The following ADAMTSL3 variants were observed in gnomAD, a reference collection of about 807,000 sequenced individuals.
ADAMTSL3 encodes ADAMTS-like protein 3.
ADAMTSL3 carries 128 observed loss-of-function variants against 201.7 expected under a neutral mutation model. That is an observed-to-expected ratio of 0.63 (90% confidence interval 0.55 to 0.73). ADAMTSL3 has a LOEUF of 0.73. Ranked by LOEUF, ADAMTSL3 falls within the 30% of genes least tolerant of loss-of-function variation. The pLI, the probability that ADAMTSL3 is intolerant of heterozygous loss-of-function variation, is 0.00. For missense variants in ADAMTSL3, 1,990 were observed against 2,119.6 expected (o/e 0.94, Z 1.20); for synonymous variants, 738 against 748.4 (o/e 0.99, Z 0.23).
At chr15:84,023,798 A>G (rs1436577338) in intron 26 of ADAMTSL3, among the ~76,000 whole-genome samples, 1 of 152,220 alleles carries the variant, frequency 6.6e-6, no homozygotes, top group East Asian at 1.9e-4. Flanking sequence ...AGATCCCTCT[A>G]CATCAAGGCT....
At chr15:83,862,492 A>T (rs1002748781) in intron 8 of ADAMTSL3, 6 of 152,208 alleles carry the variant, frequency 3.9e-5, no homozygotes, top group African/African-American at 1.4e-4. Flanking sequence ...AGAATTTTCA[A>T]CCTAGAATTT....
chr15:83,827,434 G>C (rs1482756552), intron 6 of ADAMTSL3, among the ~76,000 whole-genome samples: 3 of 152,034 alleles, frequency 2.0e-5, no homozygotes, highest in African/African-American at 7.3e-5. Flanking sequence ...CGAGTAGATT[G>C]CGAAAATTTT....
At chr15:83,962,405 A>G (rs556819274) in intron 19 of ADAMTSL3, 38 of 152,344 alleles carry the variant, frequency 2.5e-4, no homozygotes, top group African/African-American at 8.2e-4. Flanking sequence ...GTCATTAAAA[A>G]TAACTATCCA....
intron 5 of ADAMTSL3, among the ~76,000 whole-genome samples, chr15:83,815,718 C>T (rs2063761652): frequency 6.6e-6 from 1 of 152,196 alleles, no homozygotes; most frequent in South Asian, 2.1e-4. Context: ...CCCACATTTA[C>T]TAGAAAGCAG....
intron 7 of ADAMTSL3, among the ~76,000 whole-genome samples, chr15:83,851,844 C>T (rs761253054): frequency 3.3e-5 from 5 of 152,094 alleles, no homozygotes; most frequent in Admixed American, 6.5e-5. Context: ...CTTACAAAAA[C>T]TTCAAATGGC....
At chr15:83,867,126 A>G (rs1488126387) in intron 8 of ADAMTSL3, among the ~76,000 whole-genome samples, 1 of 152,248 alleles carries the variant, frequency 6.6e-6, no homozygotes, top group Non-Finnish European at 1.5e-5. Flanking sequence ...TATTTCTGAA[A>G]TGAAGCTTAT....
rs543554082 is a variant in ADAMTSL3, at chr15:84,023,777, C to T, written c.4458-1461C>T. On this transcript the variant is annotated intron_variant, in intron 26 of 29. Coordinates refer to ENST00000286744, the MANE Select transcript of ADAMTSL3 (RefSeq NM_207517.3). ...CATACCTAGAAGAGACCATAGAGAT[C>T]ATCTAATCCCAGATCCCTCTACATC... is the stretch of plus-strand genomic sequence containing the variant. Among the ~76,000 whole-genome samples, 19 of 152,332 alleles carry T rather than the reference C, an allele frequency of 1.2e-4. No individual in the cohort carries two copies. The South Asian group carries it at 3.9e-3, about 32-fold the overall frequency.
At chr15:83,929,118 T>G (rs1359544211) in intron 17 of ADAMTSL3, among the ~76,000 whole-genome samples, 1 of 152,234 alleles carries the variant, frequency 6.6e-6, no homozygotes, top group Non-Finnish European at 1.5e-5. Flanking sequence ...GCAAAATGAC[T>G]GTGTGTGCCT....
intron 16 of ADAMTSL3, among the ~76,000 whole-genome samples, chr15:83,921,720 C>A (rs72748627): frequency 0.12 from 18,616 of 152,120 alleles, 1,314 homozygotes; most frequent in East Asian, 0.35. Context: ...GAGTCTTTCT[C>A]TGTGCCCAGG....
chr15:83,809,933 C>A (rs1451629019), intron 5 of ADAMTSL3, among the ~76,000 whole-genome samples: 1 of 152,010 alleles, frequency 6.6e-6, no homozygotes, highest in Non-Finnish European at 1.5e-5. Flanking sequence ...ATCTGTGGAT[C>A]AAGTTTTTTC....
chr15:83,773,741 A>G, intron 4 of ADAMTSL3, 91 bp downstream of exon 4: 1 of 1,427,818 alleles, frequency 7.0e-7, no homozygotes, highest in Non-Finnish European at 9.4e-7. Flanking sequence ...TGGCTTTGGA[A>G]TGTACTGTGA....
In ADAMTSL3 at chr15:83,782,911, CGT is replaced by C. The variant is rs1491128889; in HGVS notation, c.317+9262_317+9263del. 4.2e-4 allele frequency among the ~76,000 whole-genome samples: 19 copies of C among 45,176 alleles called. 1 individual carries two copies. The highest frequency in any genetic ancestry group is 3.4e-3 in the South Asian group (4 of 1,188). 29.6% of individuals were successfully genotyped at this position (45,176 alleles called of 152,430 possible). Reference sequence around the variant, plus strand: ...TTATAAAAGAAAGAGCAATGGATAGCGTATATATATATATATATTATATGTAT... The same window carrying C: ...TTATAAAAGAAAGAGCAATGGATAGCATATATATATATATATTATATGTAT... On this transcript the variant is annotated intron_variant, in intron 4 of 29. Coordinates refer to ENST00000286744, the MANE Select transcript of ADAMTSL3 (RefSeq NM_207517.3).
At chr15:83,847,887 T>C (rs2064532147) in intron 7 of ADAMTSL3, among the ~76,000 whole-genome samples, 1 of 152,004 alleles carries the variant, frequency 6.6e-6, no homozygotes, top group Admixed American at 6.6e-5. Flanking sequence ...TTACAAAATG[T>C]TGTCACAACA....
At chr15:83,840,789 A>G (rs2064357419) in intron 7 of ADAMTSL3, among the ~76,000 whole-genome samples, 1 of 152,232 alleles carries the variant, frequency 6.6e-6, no homozygotes. Context: ...CCTACTGGAA[A>G]TCACAGAAAA....
chr15:83,981,181 C>T (rs368766600), intron 20 of ADAMTSL3, among the ~76,000 whole-genome samples: 62 of 152,354 alleles, frequency 4.1e-4, no homozygotes, highest in African/African-American at 1.3e-3. Context: ...CACTGTCCTT[C>T]TCCCATGCCT....
intron 17 of ADAMTSL3, among the ~76,000 whole-genome samples, chr15:83,929,310 G>A (rs954481647): frequency 2.0e-5 from 3 of 152,128 alleles, no homozygotes; most frequent in Non-Finnish European, 2.9e-5. Context: ...AGGTGTCCGC[G>A]GCGTTGATTC....
At chr15:83,661,785 A>T (rs2061168376) in intron 2 of ADAMTSL3, among the ~76,000 whole-genome samples, 1 of 151,120 alleles carries the variant, frequency 6.6e-6, no homozygotes, top group South Asian at 2.1e-4. Context: ...AACTTCTCAA[A>T]AGAAGACATT....
chr15:83,797,380 C>G (rs765534467), intron 4 of ADAMTSL3, among the ~76,000 whole-genome samples: 1 of 151,964 alleles, frequency 6.6e-6, no homozygotes, highest in Non-Finnish European at 1.5e-5. Context: ...TGGGAGGCCA[C>G]GATGCGCGGA....
chr15:84,007,697 A>T (rs1033705287), intron 23 of ADAMTSL3, among the ~76,000 whole-genome samples: 3 of 152,142 alleles, frequency 2.0e-5, no homozygotes, highest in African/African-American at 7.2e-5. Flanking sequence ...GTTCTAAGTG[A>T]GATGGAAGCC....
Sources: gnomAD v4.1 joint callset for allele counts (sites outside exome capture counted in the v4.1 genomes callset) on GRCh38, gnomAD v4.1.1 for gene constraint, MANE v1.5 for transcripts, NCBI Gene and HGNC (gene_info 2026-07-23, HGNC 2026-07-21) for gene names.